The following CSMD1 variants were observed in gnomAD, a reference collection of about 807,000 sequenced individuals.
CSMD1 encodes CUB and sushi domain-containing protein 1.
In CSMD1, 213 loss-of-function variants were observed where a neutral mutation model predicts 417.5. That is an observed-to-expected ratio of 0.51 (90% confidence interval 0.46 to 0.57). The LOEUF is 0.57. Among genes scored for constraint, CSMD1 ranks in the 20% least tolerant of loss-of-function variants. The pLI, the probability that CSMD1 is intolerant of heterozygous loss-of-function variation, is 0.00. For synonymous variants in CSMD1, 2,862 were observed against 1,736.8 expected (o/e 1.65, Z -16.11); for missense variants, 6,923 against 4,529.7 (o/e 1.53, Z -15.17).
intron 19 of CSMD1, among the ~76,000 whole-genome samples, chr8:3,368,187 G>A (rs142743389): frequency 1.3e-5 from 2 of 152,154 alleles, no homozygotes; most frequent in East Asian, 1.9e-4. Flanking sequence ...TTCCTTCAGG[G>A]CAAGTTCTTC....
intron 1 of CSMD1, among the ~76,000 whole-genome samples, chr8:4,649,976 G>A (rs987056961): frequency 6.6e-6 from 1 of 152,182 alleles, no homozygotes; most frequent in African/African-American, 2.4e-5. Flanking sequence ...TGACACAGCT[G>A]CCTTGAACAT....
chr8:3,506,417 G>A (rs936765690), intron 10 of CSMD1, among the ~76,000 whole-genome samples: 4 of 152,184 alleles, frequency 2.6e-5, no homozygotes, highest in African/African-American at 9.7e-5. Context: ...GTAGAGAGGA[G>A]AAGGTGCCGA....
chr8:3,760,047 C>T (rs4363216), intron 5 of CSMD1, among the ~76,000 whole-genome samples: 30,625 of 151,964 alleles, frequency 0.2, 3,453 homozygotes, highest in African/African-American at 0.3. Flanking sequence ...TGAAATCAAA[C>T]GGAGCTTGCC....
At chr8:4,284,710 C>T (rs945141228) in intron 3 of CSMD1, among the ~76,000 whole-genome samples, 31 of 152,114 alleles carry the variant, frequency 2.0e-4, no homozygotes, top group Non-Finnish European at 4.1e-4. Flanking sequence ...ATTTGGATTT[C>T]TACGACTCCC....
chr8:4,063,467 C>A (rs980271484), intron 3 of CSMD1, among the ~76,000 whole-genome samples: 1 of 151,930 alleles, frequency 6.6e-6, no homozygotes, highest in Non-Finnish European at 1.5e-5. Context: ...TGGCATATAC[C>A]ATGTCTTATA....
chr8:4,584,284 G>C (rs1016535930), intron 2 of CSMD1, among the ~76,000 whole-genome samples: 1 of 152,018 alleles, frequency 6.6e-6, no homozygotes, highest in African/African-American at 2.4e-5. Flanking sequence ...GCCAAGCAGT[G>C]AGACAATCGC....
At chr8:3,187,117 G>T (rs1585594958) in intron 36 of CSMD1, among the ~76,000 whole-genome samples, 1 of 152,182 alleles carries the variant, frequency 6.6e-6, no homozygotes. Flanking sequence ...CAGGAAATGT[G>T]GGCAACTGTG....
chr8:4,969,508 T>C (rs1449829276), intron 1 of CSMD1, among the ~76,000 whole-genome samples: 1 of 151,348 alleles, frequency 6.6e-6, no homozygotes, highest in African/African-American at 2.4e-5. Context: ...CATCCATTCC[T>C]CCACCCAAGT....
intron 1 of CSMD1, among the ~76,000 whole-genome samples, chr8:4,738,014 A>G (rs140837300): frequency 5.2e-4 from 79 of 152,314 alleles, no homozygotes; most frequent in African/African-American, 1.9e-3. Flanking sequence ...CTCCACATGT[A>G]ACTTGGAGAA....
At chr8:4,835,348 A>G (rs1248645615) in intron 1 of CSMD1, among the ~76,000 whole-genome samples, 1 of 152,180 alleles carries the variant, frequency 6.6e-6, no homozygotes, top group African/African-American at 2.4e-5. Context: ...GCAAAGAGGT[A>G]ATATTCCAGA....
At chr8:4,195,684 A>C (rs1397083658) in intron 3 of CSMD1, among the ~76,000 whole-genome samples, 1 of 152,206 alleles carries the variant, frequency 6.6e-6, no homozygotes, top group East Asian at 1.9e-4. Flanking sequence ...GCTGTGTTGA[A>C]GAATTCCACG....
intron 10 of CSMD1, among the ~76,000 whole-genome samples, chr8:3,548,645 G>C (rs1798776887): frequency 6.9e-6 from 1 of 144,224 alleles, no homozygotes; most frequent in African/African-American, 2.6e-5. Context: ...TCACGGCTGA[G>C]TGGTATTCCA....
chr8:3,631,430 T>C (rs969532614), intron 7 of CSMD1, among the ~76,000 whole-genome samples: 5 of 152,118 alleles, frequency 3.3e-5, no homozygotes, highest in Non-Finnish European at 5.9e-5. Flanking sequence ...GCCTGGAGCG[T>C]TGTGAACATT....
At chr8:3,932,629 A>G (rs1810231579) in intron 5 of CSMD1, among the ~76,000 whole-genome samples, 2 of 150,530 alleles carry the variant, frequency 1.3e-5, no homozygotes, top group Non-Finnish European at 3.0e-5. Flanking sequence ...AAACATTTAT[A>G]TTGACATTTT....
intron 1 of CSMD1, among the ~76,000 whole-genome samples, chr8:4,971,249 A>C (rs1303477616): frequency 6.6e-6 from 1 of 152,090 alleles, no homozygotes; most frequent in Non-Finnish European, 1.5e-5. Flanking sequence ...AGTGGTTAAA[A>C]ATTATTTTAT....
chr8:3,747,528 G>C (rs1027472055), intron 6 of CSMD1, among the ~76,000 whole-genome samples: 2 of 151,210 alleles, frequency 1.3e-5, no homozygotes, highest in African/African-American at 2.4e-5. Context: ...TATTGTATGT[G>C]AGAGTCATCC....
intron 7 of CSMD1, among the ~76,000 whole-genome samples, chr8:3,624,822 A>G (rs1489851842): frequency 6.6e-6 from 1 of 152,176 alleles, no homozygotes; most frequent in African/African-American, 2.4e-5. Context: ...TAGACTCAGT[A>G]TTATCTCATT....
intron 49 of CSMD1, among the ~76,000 whole-genome samples, chr8:3,058,075 C>G (rs932449169): frequency 6.6e-6 from 1 of 152,122 alleles, no homozygotes; most frequent in African/African-American, 2.4e-5. Flanking sequence ...TCTTCTTATT[C>G]TGCACCTATT....
chr8:3,688,583 T>C (rs1800066905), intron 7 of CSMD1, among the ~76,000 whole-genome samples: 1 of 152,210 alleles, frequency 6.6e-6, no homozygotes, highest in African/African-American at 2.4e-5. Context: ...ATGCTCATAA[T>C]TATTATTTAT....
Sources: allele counts gnomAD v4.1 joint callset (sites outside exome capture counted in the v4.1 genomes callset), GRCh38; gene constraint gnomAD v4.1.1; transcripts MANE v1.5; gene names NCBI Gene and HGNC (gene_info 2026-07-23, HGNC 2026-07-21).